The following PTK2 variants were observed in gnomAD, a reference collection of about 807,000 sequenced individuals.
PTK2 encodes focal adhesion kinase 1.
Under a neutral mutation model 150.1 loss-of-function variants are expected in PTK2, and 45 were observed. The observed-to-expected ratio is 0.30, with a 90% CI of 0.24 to 0.38. PTK2 has a LOEUF of 0.38. Among genes scored for constraint, PTK2 ranks in the 10% least tolerant of loss-of-function variants. The pLI, the probability that PTK2 is intolerant of heterozygous loss-of-function variation, is 1.00. For synonymous variants in PTK2, 432 were observed against 449.2 expected, an observed-to-expected ratio of 0.96 and a Z score of 0.48; for missense variants, 919 against 1,307.3, an observed-to-expected ratio of 0.70 and a Z score of 4.58.
chr8:140,912,959 A>T lies in PTK2; in HGVS notation c.-33+12702T>A, dbSNP rs192169690. 1.3e-3 allele frequency among the ~76,000 whole-genome samples: 192 copies of T among 152,230 alleles called. 1 individual carries two copies. The highest frequency in any genetic ancestry group is 6.8e-3 in the Middle Eastern group (2 of 294). The stretch of plus-strand genomic sequence containing the variant: ...AGACTCTGTCTCAAAAAAAAGAAAA[A>T]AGAAAAAGGATATCCACAAAAACAA... On this transcript the variant is annotated intron_variant, in intron 2 of 31. Transcript: ENST00000522684.
intron 1 of PTK2, among the ~76,000 whole-genome samples, chr8:140,980,141 G>A (rs1398713188): frequency 2.0e-5 from 3 of 152,152 alleles, no homozygotes; most frequent in Non-Finnish European, 2.9e-5. Flanking sequence ...CATTTGTGTG[G>A]CAGTGTTTGC....
At chr8:140,759,158 T>C (rs991449710) in intron 16 of PTK2, among the ~76,000 whole-genome samples, 2 of 152,164 alleles carry the variant, frequency 1.3e-5, no homozygotes, top group Non-Finnish European at 2.9e-5. Context: ...CGGCACATGA[T>C]TGTACTATTA....
intron 25 of PTK2, among the ~76,000 whole-genome samples, chr8:140,701,295 GT>G (rs1309430208): frequency 1.3e-5 from 2 of 152,108 alleles, no homozygotes; most frequent in Non-Finnish European, 2.9e-5. Context: ...AGAATACATT[GT>G]TACTTATAGT....
intron 14 of PTK2, among the ~76,000 whole-genome samples, chr8:140,777,542 A>T (rs1262364376): frequency 6.6e-6 from 1 of 152,244 alleles, no homozygotes; most frequent in East Asian, 1.9e-4. Flanking sequence ...GGCAGGGACA[A>T]ATATCCAAAT....
intron 26 of PTK2, chr8:140,686,937 T>C (rs2100020271): frequency 8.2e-6 from 4 of 489,798 alleles, no homozygotes; most frequent in Middle Eastern, 5.7e-4. Context: ...CACCCAGTGC[T>C]GGAGAACCTG....
At chr8:140,970,743 T>C (rs919623988) in intron 1 of PTK2, among the ~76,000 whole-genome samples, 1 of 152,198 alleles carries the variant, frequency 6.6e-6, no homozygotes, top group Non-Finnish European at 1.5e-5. Flanking sequence ...AATCTCAATC[T>C]GATTGCAGAT....
At chr8:140,679,384 C>T (rs73714725) in intron 27 of PTK2, among the ~76,000 whole-genome samples, 5,254 of 152,096 alleles carry the variant, frequency 0.035, 289 homozygotes, top group African/African-American at 0.12. Context: ...ACTCGGGTAA[C>T]AAGAAAGTTT....
chr8:140,695,545 G>C (rs2100026025), intron 26 of PTK2, among the ~76,000 whole-genome samples: 1 of 151,980 alleles, frequency 6.6e-6, no homozygotes, highest in Admixed American at 6.6e-5. Context: ...TGAGTAGCTG[G>C]GATTACAGGA....
At chr8:140,793,504 G>T in intron 12 of PTK2, 120 bp from the exon 13 acceptor site, 2 of 1,040,112 alleles carry the variant, frequency 1.9e-6, no homozygotes, top group Non-Finnish European at 2.8e-6. Flanking sequence ...ACCCTTTAAA[G>T]AAAGTTGCTA....
chr8:140,808,730 C>CTTT (rs2100099618), intron 10 of PTK2, among the ~76,000 whole-genome samples: 4 of 130,332 alleles, frequency 3.1e-5, no homozygotes, highest in African/African-American at 9.5e-5. Flanking sequence ...AATTTTTGTT[C>CTTT]TTGTTTTTTT....
chr8:140,859,316 T>C (rs2154605432), intron 5 of PTK2, among the ~76,000 whole-genome samples: 1 of 152,244 alleles, frequency 6.6e-6, no homozygotes, highest in African/African-American at 2.4e-5. Flanking sequence ...CACAGGAACA[T>C]GGGACAGGGA....
intron 14 of PTK2, among the ~76,000 whole-genome samples, chr8:140,781,677 G>C (rs1045746851): frequency 2.6e-5 from 4 of 152,214 alleles, no homozygotes; most frequent in Non-Finnish European, 1.5e-5. Context: ...AGGGAGGTCT[G>C]TGAGTTTCTG....
chr8:140,967,466 T>C (rs997534397), intron 1 of PTK2, among the ~76,000 whole-genome samples: 15 of 149,294 alleles, frequency 1.0e-4, no homozygotes, highest in South Asian at 8.5e-4. Flanking sequence ...TCTTTCTTTT[T>C]TTTTTTTTTT....
chr8:140,823,599 C>T (rs893091664), intron 8 of PTK2, among the ~76,000 whole-genome samples: 10 of 152,138 alleles, frequency 6.6e-5, no homozygotes, highest in Non-Finnish European at 1.2e-4. Context: ...TGGCCCTACC[C>T]GACTGGACCC....
Position 140,940,923 on chromosome 8 carries a change from C to T in PTK2, c.-121-15174G>A, listed in dbSNP as rs2100175509. 2.6e-5 allele frequency among the ~76,000 whole-genome samples: 4 copies of T among 151,890 alleles called. No homozygotes were observed. The South Asian group carries it at 8.3e-4, about 32-fold the overall frequency. On this transcript the variant is annotated intron_variant, in intron 1 of 31. Coordinates refer to ENST00000522684, the Ensembl canonical transcript of PTK2. ...AGGCAGTGGTTGCAGTGAGCTGAGA[C>T]CACACCATTGCATTCCAGCCTGGGT...
intron 22 of PTK2, among the ~76,000 whole-genome samples, chr8:140,731,608 T>C (rs976071849): frequency 6.6e-6 from 1 of 152,070 alleles, no homozygotes; most frequent in African/African-American, 2.4e-5. Context: ...AAAACAAATA[T>C]ACAAGGCTGG....
chr8:140,692,805 T>C (rs1157652016), intron 26 of PTK2, among the ~76,000 whole-genome samples: 4 of 152,232 alleles, frequency 2.6e-5, no homozygotes, highest in African/African-American at 9.6e-5. Flanking sequence ...AGGAGAGCTG[T>C]TGGCCTTGCT....
At chr8:140,826,986 A>AT (rs2100112158) in intron 8 of PTK2, among the ~76,000 whole-genome samples, 1 of 152,106 alleles carries the variant, frequency 6.6e-6, no homozygotes, top group African/African-American at 2.4e-5. Flanking sequence ...TACAGAAGCC[A>AT]TTCCATCCAG....
chr8:140,924,810 T>C (rs562378788), intron 2 of PTK2, among the ~76,000 whole-genome samples: 20 of 152,288 alleles, frequency 1.3e-4, no homozygotes, highest in African/African-American at 4.8e-4. Flanking sequence ...ATCACATAAT[T>C]TTAGTACTGA....
Sources: gnomAD v4.1 joint callset for allele counts (sites outside exome capture counted in the v4.1 genomes callset) on GRCh38, gnomAD v4.1.1 for gene constraint, MANE v1.5 for transcripts, NCBI Gene and HGNC (gene_info 2026-07-23, HGNC 2026-07-21) for gene names.